EFNA5: variants seen among roughly 807,000 people sequenced by gnomAD.
The protein encoded by EFNA5 is ephrin A5, also known as ephrin-A5.
EFNA5 carries 5 observed loss-of-function variants against 22.9 expected under a neutral mutation model. The ratio of observed to expected loss-of-function variants is 0.22; its 90% confidence interval spans 0.11 to 0.46. The LOEUF is 0.46. Among genes scored for constraint, EFNA5 ranks in the 20% least tolerant of loss-of-function variants. The pLI is 0.99. For synonymous variants in EFNA5, 113 were observed against 112.2 expected (o/e 1.01, Z -0.04); for missense variants, 237 against 293.3 (o/e 0.81, Z 1.40).
At position 107,670,374 on chromosome 5, in the gene EFNA5, C is replaced by G. The variant is rs1580593745; in HGVS notation, c.125+115G>C. On this transcript the variant is annotated intron_variant, in intron 1 of 4. Coordinates refer to ENST00000333274, the MANE Select transcript of EFNA5 (RefSeq NM_001962.3). ...TCAAGCCATCAGCGCCCGGGCGACGCAGGCTCCGAGGGTGCGCGCCGCCAG... is the reference window on the plus strand; with the variant it reads ...TCAAGCCATCAGCGCCCGGGCGACGGAGGCTCCGAGGGTGCGCGCCGCCAG... 6 of 1,320,296 alleles carry G rather than the reference C, an allele frequency of 4.5e-6. No homozygotes were observed. In the East Asian group the frequency reaches 1.8e-4, roughly 40 times the overall value. The allele number at this position is 1,320,296 out of a possible 1,614,324, so 81.8% of individuals were successfully genotyped here. A position where few individuals can be genotyped will look rare whatever the true frequency, so the allele number is the denominator to read the frequency against.
At chr5:107,445,560 A>T (rs527503929) in intron 1 of EFNA5, among the ~76,000 whole-genome samples, 3 of 152,330 alleles carry the variant, frequency 2.0e-5, no homozygotes, top group African/African-American at 7.2e-5. Context: ...CAAGATGCTC[A>T]CAAGTCACGA....
chr5:107,451,527 G>C (rs1749560281), intron 1 of EFNA5, among the ~76,000 whole-genome samples: 1 of 152,162 alleles, frequency 6.6e-6, no homozygotes, highest in Admixed American at 6.6e-5. Context: ...TTTGGAGGCA[G>C]AGAATAAATA....
chr5:107,518,220 A>T (rs1747522161), intron 1 of EFNA5, among the ~76,000 whole-genome samples: 2 of 151,918 alleles, frequency 1.3e-5, no homozygotes, highest in African/African-American at 4.8e-5. Flanking sequence ...GATGCGCCTA[A>T]TGCTCCTTCA....
At chr5:107,556,708 T>C (rs1290355916) in intron 1 of EFNA5, among the ~76,000 whole-genome samples, 1 of 151,326 alleles carries the variant, frequency 6.6e-6, no homozygotes, top group Non-Finnish European at 1.5e-5. Flanking sequence ...ATCGCAGCAT[T>C]GCACTCCAGC....
At chr5:107,514,254 T>C (rs1003828729) in intron 1 of EFNA5, among the ~76,000 whole-genome samples, 1 of 152,206 alleles carries the variant, frequency 6.6e-6, no homozygotes, top group Non-Finnish European at 1.5e-5. Flanking sequence ...GTAGAGGTTT[T>C]CTTTTTTGTC....
intron 1 of EFNA5, among the ~76,000 whole-genome samples, chr5:107,534,231 C>T (rs1170923234): frequency 6.6e-6 from 1 of 152,080 alleles, no homozygotes; most frequent in East Asian, 1.9e-4. Flanking sequence ...TGACTTTCAC[C>T]GTAAATAGAG....
At chr5:107,435,228 A>G (rs1340841097) in intron 1 of EFNA5, among the ~76,000 whole-genome samples, 1 of 151,974 alleles carries the variant, frequency 6.6e-6, no homozygotes, top group African/African-American at 2.4e-5. Context: ...TCTGTTGTAT[A>G]ACATGCTGCT....
chr5:107,447,404 T>G (rs12515656), intron 1 of EFNA5, among the ~76,000 whole-genome samples: 5,642 of 152,350 alleles, frequency 0.037, 160 homozygotes, highest in Admixed American at 0.087. Flanking sequence ...CCTGGCTCCC[T>G]TGTTAATTAA....
At chr5:107,500,096 C>G (rs1206897636) in intron 1 of EFNA5, among the ~76,000 whole-genome samples, 2 of 152,136 alleles carry the variant, frequency 1.3e-5, no homozygotes, top group Non-Finnish European at 2.9e-5. Context: ...TTTTCTATTC[C>G]CCTCTCTTTT....
intron 1 of EFNA5, among the ~76,000 whole-genome samples, chr5:107,447,217 A>G (rs1749421195): frequency 6.6e-6 from 1 of 151,612 alleles, no homozygotes; most frequent in Non-Finnish European, 1.5e-5. Flanking sequence ...AGACTTTGCA[A>G]TTCTGCTGAG....
At position 107,427,223 on chromosome 5, in the gene EFNA5, A is replaced by G; in HGVS notation, c.412T>C (p.Tyr138His). Reference sequence around the variant, plus strand: ...TAAATCTCTATATACTCACAGATGTAGAAATATTCTCGGCCTGGCCTGAAT... The same window carrying G: ...TAAATCTCTATATACTCACAGATGTGGAAATATTCTCGGCCTGGCCTGAAT... ...FEFRPGREYF[Y>H]ISSAIPDNGR... is the part of the protein sequence containing the mutation. Residue 138 changes from tyrosine (Y) to histidine (H), a missense_variant, in exon 2 of 5, where the codon TAC (tyrosine) becomes CAC (histidine). By Grantham distance (83) the Tyr-to-His change is moderately conservative. Around this residue, in one of 3 missense-constraint regions of EFNA5, gnomAD observed 13 missense variants for 38.3 expected, o/e 0.34. Coordinates refer to ENST00000333274, the MANE Select transcript of EFNA5 (RefSeq NM_001962.3). 1 of 1,614,122 alleles carries G rather than the reference A, an allele frequency of 6.2e-7. No individual in the cohort carries two copies.
intron 1 of EFNA5, among the ~76,000 whole-genome samples, chr5:107,480,224 C>T (rs907772551): frequency 9.2e-5 from 14 of 152,194 alleles, no homozygotes; most frequent in Non-Finnish European, 1.5e-5. Flanking sequence ...GAAATATATA[C>T]TAATACTCAC....
chr5:107,629,305 T>TA (rs1358812824), intron 1 of EFNA5, among the ~76,000 whole-genome samples: 4 of 152,116 alleles, frequency 2.6e-5, no homozygotes, highest in African/African-American at 4.8e-5. Flanking sequence ...AAACTGTATT[T>TA]AAAAAATACA....
In EFNA5 at chr5:107,651,737, T is replaced by G. The variant is rs114815675; in HGVS notation, c.125+18752A>C. 5.3e-3 allele frequency among the ~76,000 whole-genome samples: 802 copies of G among 151,232 alleles called. 14 individuals are homozygous for G. Among genetic ancestry groups the G allele is most frequent in the African/African-American group, 0.019 (766 of 41,234 alleles). On this transcript the variant is annotated intron_variant, in intron 1 of 4. Transcript: ENST00000333274. ...TGTCAGGGAAACAATTCAGATATAA[T>G]AGAGCACCCTAAGTTTCATCTGGAA...
At chr5:107,422,184 C>T (rs1328440162) in intron 2 of EFNA5, among the ~76,000 whole-genome samples, 1 of 152,212 alleles carries the variant, frequency 6.6e-6, no homozygotes, top group Non-Finnish European at 1.5e-5. Flanking sequence ...CTTTTCTGGG[C>T]CTCAGTTTCT....
At chr5:107,609,757 G>C (rs2112519630) in intron 1 of EFNA5, among the ~76,000 whole-genome samples, 1 of 151,984 alleles carries the variant, frequency 6.6e-6, no homozygotes, top group East Asian at 1.9e-4. Flanking sequence ...CAAACACACA[G>C]TCCTTGTGCC....
At chr5:107,547,527 C>CA (rs780912118) in intron 1 of EFNA5, among the ~76,000 whole-genome samples, 3,225 of 133,122 alleles carry the variant, frequency 0.024, 83 homozygotes, top group African/African-American at 0.067. Context: ...ACTGATGTTC[C>CA]AAAAAAAAAA....
At chr5:107,431,472 CAACTT>C (rs1303025450) in intron 1 of EFNA5, among the ~76,000 whole-genome samples, 2 of 152,152 alleles carry the variant, frequency 1.3e-5, no homozygotes, top group African/African-American at 4.8e-5. Context: ...TTCATTATCT[CAACTT>C]AATCTCTATT....
intron 1 of EFNA5, among the ~76,000 whole-genome samples, chr5:107,526,065 A>G (rs1391360879): frequency 2.6e-5 from 4 of 152,214 alleles, no homozygotes; most frequent in African/African-American, 7.2e-5. Context: ...AAGAAGACAT[A>G]AGGCCATTTT....
Sources: gnomAD v4.1 joint callset for allele counts (sites outside exome capture counted in the v4.1 genomes callset) on GRCh38, gnomAD v4.1.1 for gene constraint, gnomAD v4.1.1 regional missense constraint, MANE v1.5 for transcripts, NCBI Gene and HGNC (gene_info 2026-07-23, HGNC 2026-07-21) for gene names.